Variants in THSD7B observed in about 807,000 individuals in gnomAD.
THSD7B encodes thrombospondin type 1 domain containing 7B, also known as thrombospondin type-1 domain-containing protein 7B.
A neutral mutation model predicts 213.6 loss-of-function variants in THSD7B; 138 were observed. The observed-to-expected ratio is 0.65, with a 90% CI of 0.56 to 0.74. THSD7B has a LOEUF of 0.74. THSD7B is among the 30% of genes least tolerant of loss of function. The pLI is 0.00. For missense variants in THSD7B, 1,931 were observed against 1,991.5 expected, an observed-to-expected ratio of 0.97 and a Z score of 0.58; for synonymous variants, 742 against 687.0, an observed-to-expected ratio of 1.08 and a Z score of -1.25.
At chr2:137,631,125 G>T (rs966444957) in intron 20 of THSD7B, among the ~76,000 whole-genome samples, 4 of 152,128 alleles carry the variant, frequency 2.6e-5, no homozygotes, top group African/African-American at 9.7e-5. Context: ...CTTTCTAATT[G>T]TGTTAAAGAT....
intron 17 of THSD7B, among the ~76,000 whole-genome samples, chr2:137,598,877 C>CTT (rs57408242): frequency 1.1e-4 from 15 of 138,358 alleles, no homozygotes; most frequent in South Asian, 2.5e-4. Context: ...CATTTTGGTT[C>CTT]TTTTTTTTTT....
At chr2:137,205,128 T>C (rs1357484638) in intron 7 of THSD7B, among the ~76,000 whole-genome samples, 6 of 152,068 alleles carry the variant, frequency 3.9e-5, no homozygotes, top group Admixed American at 2.0e-4. Flanking sequence ...GGAAGGAAGA[T>C]AGGAGAATGC....
intron 2 of THSD7B, among the ~76,000 whole-genome samples, chr2:136,940,727 A>ATATAAT (rs1553459490): frequency 2.9e-4 from 14 of 48,018 alleles, no homozygotes; most frequent in Admixed American, 1.0e-3. Flanking sequence ...ATATATATAT[A>ATATAAT]ATATATATAT....
intron 17 of THSD7B, among the ~76,000 whole-genome samples, chr2:137,600,659 A>G (rs1423665874): frequency 6.6e-6 from 1 of 152,166 alleles, no homozygotes; most frequent in African/African-American, 2.4e-5. Context: ...AATCACTTGA[A>G]CCCGTGGGGA....
chr2:137,306,191 A>AC (rs1310124231), intron 12 of THSD7B, among the ~76,000 whole-genome samples: 2 of 152,106 alleles, frequency 1.3e-5, no homozygotes, highest in Non-Finnish European at 2.9e-5. Context: ...AGTGCATAAT[A>AC]CATTGTGCTG....
intron 2 of THSD7B, among the ~76,000 whole-genome samples, chr2:136,913,805 C>T (rs1036429296): frequency 6.6e-6 from 1 of 152,244 alleles, no homozygotes; most frequent in Non-Finnish European, 1.5e-5. Flanking sequence ...GATGCCCAGG[C>T]AAATTTTGCT....
At chr2:137,651,679 A>G (rs776336584) in intron 21 of THSD7B, among the ~76,000 whole-genome samples, 4 of 151,978 alleles carry the variant, frequency 2.6e-5, no homozygotes, top group African/African-American at 4.8e-5. Context: ...TACTTTTTCA[A>G]TGTAGACATT....
chr2:137,290,964 A>G (rs1314437679), intron 12 of THSD7B, among the ~76,000 whole-genome samples: 2 of 152,152 alleles, frequency 1.3e-5, no homozygotes, highest in Non-Finnish European at 2.9e-5. Context: ...TATGAAGCCA[A>G]GGTCATCTGT....
chr2:137,510,169 C>G (rs912195257), intron 15 of THSD7B, among the ~76,000 whole-genome samples: 1 of 151,954 alleles, frequency 6.6e-6, no homozygotes, highest in African/African-American at 2.4e-5. Flanking sequence ...TACTTATTTT[C>G]TATTTCCGTC....
chr2:137,434,057 G>C (rs1053879608), intron 14 of THSD7B, among the ~76,000 whole-genome samples: 8 of 152,166 alleles, frequency 5.3e-5, no homozygotes, highest in African/African-American at 1.9e-4. Context: ...CATGCCATCT[G>C]TGTCTTTATC....
rs747265330 is a variant in THSD7B, at chr2:137,094,874, C to T, written c.952C>T (p.Leu318Phe). The T allele has an allele frequency of 5.6e-6, 9 of 1,609,464 alleles. No individual in the cohort carries two copies. Among genetic ancestry groups the T allele is most frequent in the East Asian group, 4.5e-5 (2 of 44,750 alleles). ...ATTTTCTACTTCTGTTTTTTTCAGC[C>T]TTTGCCTTCAAGATTCCTTCCCATT... The part of the protein sequence containing the change: ...RSDGQNAMLS[L>F]CLQDSFPLTV... The change falls in exon 4 of 28, where the codon CTT (leucine) becomes TTT (phenylalanine). Residue 318 changes from leucine (L) to phenylalanine (F), a missense_variant and splice_region_variant. Transcript: ENST00000409968.
chr2:137,058,170 GT>G (rs34702641), intron 3 of THSD7B, among the ~76,000 whole-genome samples: 3 of 151,024 alleles, frequency 2.0e-5, no homozygotes, highest in Admixed American at 6.6e-5. Flanking sequence ...TGTGATGATT[GT>G]TTTTTTTTCC....
chr2:136,913,134 T>C (rs1180704880), intron 2 of THSD7B, among the ~76,000 whole-genome samples: 1 of 152,206 alleles, frequency 6.6e-6, no homozygotes, highest in Non-Finnish European at 1.5e-5. Context: ...GAGGAACTTT[T>C]TGGGAACTGG....
At chr2:137,278,512 A>G (rs1682924313) in intron 12 of THSD7B, among the ~76,000 whole-genome samples, 1 of 152,220 alleles carries the variant, frequency 6.6e-6, no homozygotes, top group Admixed American at 6.6e-5. Flanking sequence ...CCTTCATAGC[A>G]TCCTGTGTCC....
chr2:137,064,675 T>C (rs13416772), intron 3 of THSD7B, among the ~76,000 whole-genome samples: 25,924 of 151,884 alleles, frequency 0.17, 3,001 homozygotes, highest in African/African-American at 0.32. Context: ...TTTTATTTGA[T>C]TTTTTTGTAT....
intron 14 of THSD7B, among the ~76,000 whole-genome samples, chr2:137,414,817 A>G (rs1686757403): frequency 6.6e-6 from 1 of 152,130 alleles, no homozygotes; most frequent in Non-Finnish European, 1.5e-5. Context: ...GCACTTTGGG[A>G]GGCCAAGGCA....
At chr2:136,810,879 CT>C (rs1333835180) in intron 1 of THSD7B, among the ~76,000 whole-genome samples, 4 of 152,138 alleles carry the variant, frequency 2.6e-5, no homozygotes, top group African/African-American at 9.7e-5. Context: ...GGCATGGATT[CT>C]TTGAGTTCCT....
intron 12 of THSD7B, among the ~76,000 whole-genome samples, chr2:137,367,985 T>C (rs1685459593): frequency 6.6e-6 from 1 of 152,114 alleles, no homozygotes. Flanking sequence ...ATATTCAGTC[T>C]ATTACATAAC....
In THSD7B at chr2:137,405,735, A is replaced by G; in HGVS notation, c.2623A>G (p.Thr875Ala). 1.9e-6 allele frequency: 3 copies of G among 1,613,720 alleles called. No homozygotes were observed. The highest frequency in any genetic ancestry group is 2.5e-6 in the Non-Finnish European group (3 of 1,179,798). The change falls in exon 13 of 28, where the codon ACT becomes GCT. Residue 875 changes from threonine (T) to alanine (A), a missense_variant. Coordinates refer to ENST00000409968, the MANE Select transcript of THSD7B (RefSeq NM_001316349.2). ...TVPCREDCTF[T>A]AWSKFTPCST... is the part of the protein sequence containing the mutation. ...CCCATGTCGAGAAGACTGCACCTTC[A>G]CTGCTTGGTCCAAGTTTACGCCCTG...
Sources: allele counts gnomAD v4.1 joint callset (sites outside exome capture counted in the v4.1 genomes callset), GRCh38; gene constraint gnomAD v4.1.1; transcripts MANE v1.5; gene names NCBI Gene and HGNC (gene_info 2026-07-23, HGNC 2026-07-21).